DNER: variants seen among roughly 807,000 people sequenced by gnomAD.
DNER encodes delta and Notch-like epidermal growth factor-related receptor.
A neutral mutation model predicts 78.2 loss-of-function variants in DNER; 33 were observed. The observed-to-expected ratio is 0.42, with a 90% CI of 0.32 to 0.56. The LOEUF is 0.56. Among genes scored for constraint, DNER ranks in the 20% least tolerant of loss-of-function variants. DNER has a pLI of 0.11. For synonymous variants in DNER, 417 were observed against 384.8 expected, an observed-to-expected ratio of 1.08 and a Z score of -0.98; for missense variants, 918 against 975.3, an observed-to-expected ratio of 0.94 and a Z score of 0.78.
At chr2:229,484,220 A>G (rs1310154969) in intron 6 of DNER, among the ~76,000 whole-genome samples, 1 of 152,218 alleles carries the variant, frequency 6.6e-6, no homozygotes, top group Non-Finnish European at 1.5e-5. Flanking sequence ...GGCCTGGGTA[A>G]AATGTGCTAG....
At chr2:229,650,512 C>A (rs1416058664) in intron 1 of DNER, among the ~76,000 whole-genome samples, 1 of 152,240 alleles carries the variant, frequency 6.6e-6, no homozygotes, top group East Asian at 1.9e-4. Context: ...AGAGTCAGAC[C>A]CTCTTGAGAG....
chr2:229,668,001 A>G (rs921950756), intron 1 of DNER, among the ~76,000 whole-genome samples: 1 of 152,204 alleles, frequency 6.6e-6, no homozygotes, highest in African/African-American at 2.4e-5. Flanking sequence ...TGTAGCTAAC[A>G]AAATAGATGT....
At chr2:229,440,942 T>C (rs1694221119) in intron 8 of DNER, among the ~76,000 whole-genome samples, 1 of 152,216 alleles carries the variant, frequency 6.6e-6, no homozygotes, top group South Asian at 2.1e-4. Context: ...CATCTCTTTT[T>C]GACCATAATA....
intron 7 of DNER, among the ~76,000 whole-genome samples, chr2:229,472,401 A>C (rs1359923076): frequency 1.3e-5 from 2 of 152,134 alleles, no homozygotes; most frequent in African/African-American, 4.8e-5. Context: ...GGCTTTCATC[A>C]CTACTGATTT....
At chr2:229,432,055 A>T (rs1033394808) in intron 8 of DNER, among the ~76,000 whole-genome samples, 1 of 152,206 alleles carries the variant, frequency 6.6e-6, no homozygotes, top group Non-Finnish European at 1.5e-5. Context: ...AAATGTTTGT[A>T]ATACCATGAT....
At chr2:229,510,491 G>A (rs1295897155) in intron 6 of DNER, among the ~76,000 whole-genome samples, 1 of 152,236 alleles carries the variant, frequency 6.6e-6, no homozygotes, top group African/African-American at 2.4e-5. Flanking sequence ...TAGCCTGAAG[G>A]TGTTGGCAGT....
intron 7 of DNER, among the ~76,000 whole-genome samples, chr2:229,466,614 C>T (rs1166431993): frequency 1.3e-5 from 2 of 152,188 alleles, no homozygotes; most frequent in African/African-American, 2.4e-5. Context: ...GCCGAAGCCA[C>T]ATATGTCTCG....
At chr2:229,429,025 G>T (rs886188413) in intron 8 of DNER, among the ~76,000 whole-genome samples, 1 of 152,160 alleles carries the variant, frequency 6.6e-6, no homozygotes, top group African/African-American at 2.4e-5. Context: ...AGACAGCAAG[G>T]TCGCTGCCAG....
rs2106342058 is a variant in DNER, at chr2:229,402,657, T to C, written c.1723+4575A>G. 1.3e-5 allele frequency among the ~76,000 whole-genome samples: 2 copies of C among 152,324 alleles called. 1 individual carries two copies. Among genetic ancestry groups the C allele is most frequent in the South Asian group, 4.1e-4 (2 of 4,830 alleles). ...GACAATGTCAATGGGCTTGGAAGAA[T>C]CTTTGGCTTCCCTGTTGAAGTACGG... On this transcript the variant is annotated intron_variant, in intron 10 of 12. Transcript: ENST00000341772.
At chr2:229,596,768 G>A (rs901402065) in intron 1 of DNER, among the ~76,000 whole-genome samples, 1 of 152,264 alleles carries the variant, frequency 6.6e-6, no homozygotes, top group Non-Finnish European at 1.5e-5. Flanking sequence ...CAAATAGCAT[G>A]TGGGATGAAA....
intron 1 of DNER, among the ~76,000 whole-genome samples, chr2:229,696,265 T>C (rs187965997): frequency 2.3e-4 from 35 of 152,328 alleles, no homozygotes; most frequent in African/African-American, 8.4e-4. Flanking sequence ...TGAGCTAGTT[T>C]CTTAACAAAC....
At chr2:229,412,191 A>T (rs1370326504) in intron 9 of DNER, among the ~76,000 whole-genome samples, 2 of 152,220 alleles carry the variant, frequency 1.3e-5, no homozygotes, top group Non-Finnish European at 2.9e-5. Context: ...CCAGGCTTGA[A>T]CTAGTTTTGA....
chr2:229,512,107 G>T (rs6759186), intron 6 of DNER, among the ~76,000 whole-genome samples: 1 of 152,178 alleles, frequency 6.6e-6, no homozygotes, highest in Non-Finnish European at 1.5e-5. Context: ...ATTAGGCTGG[G>T]CAAAGTGTCT....
chr2:229,469,048 G>A (rs189808822), intron 7 of DNER, among the ~76,000 whole-genome samples: 3 of 152,322 alleles, frequency 2.0e-5, no homozygotes, highest in Admixed American at 2.0e-4. Flanking sequence ...GCATCTTTGT[G>A]ATATGGGGAG....
intron 12 of DNER, among the ~76,000 whole-genome samples, chr2:229,361,996 G>A (rs1445772328): frequency 6.6e-6 from 1 of 152,148 alleles, no homozygotes; most frequent in Non-Finnish European, 1.5e-5. Flanking sequence ...CACAGACCAT[G>A]ACACTTGGGA....
chr2:229,415,505 G>A (rs1693629187), intron 9 of DNER, among the ~76,000 whole-genome samples: 1 of 152,166 alleles, frequency 6.6e-6, no homozygotes. Context: ...TGATACAGAA[G>A]GCGGATCTAC....
At chr2:229,499,621 A>C (rs1465124117) in intron 6 of DNER, among the ~76,000 whole-genome samples, 14 of 151,862 alleles carry the variant, frequency 9.2e-5, no homozygotes, top group Admixed American at 9.2e-4. Flanking sequence ...TTAAACAGAA[A>C]AAAAAAAATA....
chr2:229,565,609 T>A (rs1369435992), intron 4 of DNER, among the ~76,000 whole-genome samples: 2 of 152,214 alleles, frequency 1.3e-5, no homozygotes, highest in Non-Finnish European at 2.9e-5. Flanking sequence ...AAAATCTTTT[T>A]TTGAAGCAAA....
intron 5 of DNER, among the ~76,000 whole-genome samples, chr2:229,531,643 C>A (rs1186207809): frequency 6.6e-6 from 1 of 152,228 alleles, no homozygotes; most frequent in Non-Finnish European, 1.5e-5. Flanking sequence ...CGTGAACCAG[C>A]AATTCTACTC....
Sources: allele counts gnomAD v4.1 joint callset (sites outside exome capture counted in the v4.1 genomes callset), GRCh38; gene constraint gnomAD v4.1.1; transcripts MANE v1.5; gene names NCBI Gene and HGNC (gene_info 2026-07-23, HGNC 2026-07-21).